Variants in PAPSS2 observed in about 807,000 individuals in gnomAD.
The protein encoded by PAPSS2 is 3'-phosphoadenosine 5'-phosphosulfate synthase 2.
Under a neutral mutation model 66.5 loss-of-function variants are expected in PAPSS2, and 61 were observed. The ratio of observed to expected loss-of-function variants is 0.92; its 90% CI spans 0.75 to 1.14. PAPSS2 has a LOEUF of 1.14. Among genes scored for constraint, PAPSS2 ranks in the 50% most tolerant of loss-of-function variants. The probability of loss-of-function intolerance (pLI) is 0.00; values close to 1 mark genes in which losing one functional copy is unlikely to be tolerated. For synonymous variants in PAPSS2, 289 were observed against 287.5 expected, an observed-to-expected ratio of 1.01 and a Z score of -0.05; for missense variants, 708 against 789.6, an observed-to-expected ratio of 0.90 and a Z score of 1.24.
chr10:87,714,612 G>A (rs1853508710), intron 4 of PAPSS2, 133 bp from the exon 5 acceptor site: 2 of 717,964 alleles, frequency 2.8e-6, no homozygotes, highest in Admixed American at 3.8e-5. Flanking sequence ...AGTCAAGGAT[G>A]GCTGTTTGAC....
At chr10:87,714,930 A>T in intron 5 of PAPSS2, 55 bp from the exon 6 acceptor site, 1 of 1,412,664 alleles carries the variant, frequency 7.1e-7, no homozygotes, top group Non-Finnish European at 1.0e-6. Flanking sequence ...ATGCCTCTTT[A>T]CTGAAGCATT....
chr10:87,690,984 A>G (rs1853164816), intron 1 of PAPSS2, among the ~76,000 whole-genome samples: 1 of 152,116 alleles, frequency 6.6e-6, no homozygotes, highest in African/African-American at 2.4e-5. Context: ...GTTCAAGGGA[A>G]CATACATCCA....
intron 1 of PAPSS2, among the ~76,000 whole-genome samples, chr10:87,667,368 C>G (rs987264929): frequency 3.9e-5 from 6 of 151,956 alleles, no homozygotes; most frequent in African/African-American, 1.5e-4. Flanking sequence ...GTGGGATCGC[C>G]CCAGTACTGG....
intron 10 of PAPSS2, among the ~76,000 whole-genome samples, chr10:87,741,662 TG>T (rs34182408): frequency 6.6e-6 from 1 of 152,232 alleles, no homozygotes; most frequent in East Asian, 1.9e-4. Context: ...CCCAAAGTGC[TG>T]GGATTACAGA....
chr10:87,661,841 A>G (rs1291872896), intron 1 of PAPSS2, among the ~76,000 whole-genome samples: 2 of 152,206 alleles, frequency 1.3e-5, no homozygotes, highest in Admixed American at 6.5e-5. Flanking sequence ...TAACTGAAAT[A>G]GAACTTTTCT....
intron 10 of PAPSS2, 22 bp downstream of exon 10, chr10:87,741,392 C>T (rs1853868088): frequency 6.3e-7 from 1 of 1,593,380 alleles, no homozygotes; most frequent in East Asian, 2.2e-5. Flanking sequence ...GTTCTTAGTG[C>T]ATTTTATTTA....
At chr10:87,679,819 G>A (rs1170464840) in intron 1 of PAPSS2, among the ~76,000 whole-genome samples, 2 of 151,768 alleles carry the variant, frequency 1.3e-5, no homozygotes, top group African/African-American at 2.4e-5. Context: ...TGAGTCCAGG[G>A]GTTCGAGACC....
chr10:87,701,878 C>G (rs1036847209), intron 1 of PAPSS2, among the ~76,000 whole-genome samples: 2 of 152,066 alleles, frequency 1.3e-5, no homozygotes, highest in African/African-American at 4.8e-5. Flanking sequence ...GGGGAAAAAA[C>G]AGTAAAAATA....
At chr10:87,739,185 T>A (rs1405540362) in intron 9 of PAPSS2, among the ~76,000 whole-genome samples, 1 of 152,228 alleles carries the variant, frequency 6.6e-6, no homozygotes, top group Non-Finnish European at 1.5e-5. Flanking sequence ...AAATTTTGTA[T>A]GTGGTGTAAG....
At chr10:87,669,357 G>A (rs912060053) in intron 1 of PAPSS2, among the ~76,000 whole-genome samples, 18 of 152,144 alleles carry the variant, frequency 1.2e-4, no homozygotes, top group African/African-American at 4.3e-4. Context: ...CTATGAAGTC[G>A]ATTACAGTAA....
chr10:87,685,630 G>A (rs1339296145), intron 1 of PAPSS2, among the ~76,000 whole-genome samples: 1 of 152,204 alleles, frequency 6.6e-6, no homozygotes. Flanking sequence ...GCTACAGTGA[G>A]CCACAATTGT....
chr10:87,745,302 T>C, intron 12 of PAPSS2, 71 bp downstream of exon 12: 1 of 1,230,830 alleles, frequency 8.1e-7, no homozygotes, highest in Non-Finnish European at 1.2e-6. Context: ...ATTTGGGCCC[T>C]TTGAAAAACT....
At position 87,746,086 on chromosome 10, in the gene PAPSS2, A is replaced by C; in HGVS notation, c.*116A>C. 1 of 949,848 alleles carries C rather than the reference A, an allele frequency of 1.1e-6. No homozygotes were observed. Among genetic ancestry groups the C allele is most frequent in the Non-Finnish European group, 1.6e-6 (1 of 621,656 alleles). 58.8% of individuals were successfully genotyped at this position (949,848 alleles called of 1,614,324 possible). A position where few individuals can be genotyped will look rare whatever the true frequency, so the allele number is the denominator to read the frequency against. ...TGATGCATTTTAATCTTTTATAATG[A>C]AGTAAAAGTTGTGTCTATAATTAAA... On this transcript the variant is annotated 3_prime_UTR_variant, in exon 13 of 13. Transcript: ENST00000456849.
intron 4 of PAPSS2, 101 bp downstream of exon 4, chr10:87,714,283 CA>C (rs1362575311): frequency 1.5e-6 from 2 of 1,312,304 alleles, no homozygotes; most frequent in Admixed American, 3.4e-5. Flanking sequence ...AACTGTTTTC[CA>C]AAATTGCATA....
intron 1 of PAPSS2, among the ~76,000 whole-genome samples, chr10:87,706,084 G>GTA (rs532950801): frequency 0.16 from 9,405 of 60,040 alleles, 1,106 homozygotes; most frequent in Non-Finnish European, 0.19. Context: ...TCTTCACATG[G>GTA]TATATATATA....
intron 10 of PAPSS2, among the ~76,000 whole-genome samples, chr10:87,742,120 T>A (rs1853877612): frequency 1.3e-5 from 2 of 152,304 alleles, no homozygotes; most frequent in South Asian, 4.1e-4. Flanking sequence ...GTCTATAATA[T>A]GGAAACAGTT....
rs1853867748 is a variant in PAPSS2, at chr10:87,741,373, A to G, written c.1222+3A>G. On this transcript the variant is annotated splice_donor_region_variant and intron_variant, in intron 10 of 12. Transcript: ENST00000456849. ...GAAATGTAAAGAAATGAATGCTGGT[A>G]TGTAAACTGTTCTTAGTGCATTTTA... is the stretch of plus-strand genomic sequence containing the variant. The G allele has an allele frequency of 1.2e-6, 2 of 1,609,922 alleles. No individual in the cohort carries two copies. The highest frequency in any genetic ancestry group is 1.7e-5 in the Admixed American group (1 of 60,006).
At chr10:87,665,215 CTTT>C (rs34073508) in intron 1 of PAPSS2, among the ~76,000 whole-genome samples, 2 of 146,848 alleles carry the variant, frequency 1.4e-5, no homozygotes, top group African/African-American at 2.5e-5. Flanking sequence ...GAATTTACCA[CTTT>C]TTTTTTTTTT....
intron 1 of PAPSS2, among the ~76,000 whole-genome samples, chr10:87,677,222 T>C (rs12413510): frequency 0.46 from 69,298 of 151,890 alleles, 16,563 homozygotes; most frequent in East Asian, 0.78. Flanking sequence ...AAAAGACAGA[T>C]ATTTAATGCA....
Sources: allele counts gnomAD v4.1 joint callset (sites outside exome capture counted in the v4.1 genomes callset), GRCh38; gene constraint gnomAD v4.1.1; transcripts MANE v1.5; gene names NCBI Gene and HGNC (gene_info 2026-07-23, HGNC 2026-07-21).